The following FIRRM variants were observed in gnomAD, a reference collection of about 807,000 sequenced individuals.
FIRRM encodes the protein FIGNL1-interacting regulator of recombination and mitosis.
At chr1:169,814,832 T>C in the FIRRM span, among the ~76,000 whole-genome samples, 4 of 152,200 alleles carry the variant, frequency 2.6e-5, no homozygotes, top group South Asian at 6.2e-4. Flanking sequence ...TCAAAAGTTA[T>C]CCTCGGATTT....
At chr1:169,807,087 TTAAGAA>T in the FIRRM span, among the ~76,000 whole-genome samples, 1 of 152,320 alleles carries the variant, frequency 6.6e-6, no homozygotes, top group South Asian at 2.1e-4. Context: ...TCCCATTTGA[TTAAGAA>T]TAACAACCTA....
the FIRRM span, among the ~76,000 whole-genome samples, chr1:169,809,736 T>C: frequency 1.3e-5 from 2 of 152,322 alleles, no homozygotes; most frequent in Middle Eastern, 3.4e-3. Context: ...TTACTGTCCA[T>C]TGCCTGAAAT....
chr1:169,817,783 C>CTAT, the FIRRM span, among the ~76,000 whole-genome samples: 8 of 152,138 alleles, frequency 5.3e-5, no homozygotes, highest in East Asian at 1.5e-3. Context: ...TAATTTTAAT[C>CTAT]AATATAACCA....
the FIRRM span, chr1:169,795,015 C>T: frequency 9.6e-7 from 1 of 1,036,868 alleles, no homozygotes; most frequent in Non-Finnish European, 1.4e-6. Flanking sequence ...TTGGAGCCGG[C>T]GGAGAGCGCG....
the FIRRM span, chr1:169,802,803 C>A: frequency 2.6e-6 from 2 of 784,074 alleles, no homozygotes; most frequent in Non-Finnish European, 4.3e-6. Flanking sequence ...TACTGATTAG[C>A]TATGTATTCT....
At chr1:169,816,105 G>A in the FIRRM span, among the ~76,000 whole-genome samples, 4 of 152,144 alleles carry the variant, frequency 2.6e-5, no homozygotes, top group Admixed American at 2.6e-4. Context: ...GAATTATCTT[G>A]TATTCCTACA....
At chr1:169,788,570 A>T in the FIRRM span, among the ~76,000 whole-genome samples, 1 of 152,202 alleles carries the variant, frequency 6.6e-6, no homozygotes. Flanking sequence ...CAAAAGGTGT[A>T]TGTGGACTTT....
chr1:169,824,272 C>A, the FIRRM span, among the ~76,000 whole-genome samples: 5 of 152,280 alleles, frequency 3.3e-5, no homozygotes, highest in South Asian at 1.0e-3. Flanking sequence ...AACTGTGCCC[C>A]TAAGACTAGC....
chr1:169,845,591 G>A, the FIRRM span, among the ~76,000 whole-genome samples: 2,675 of 152,250 alleles, frequency 0.018, 79 homozygotes, highest in African/African-American at 0.06. Flanking sequence ...TAAATTCTTT[G>A]TTTTCATTTC....
At chr1:169,834,748 G>A in the FIRRM span, among the ~76,000 whole-genome samples, 3 of 151,916 alleles carry the variant, frequency 2.0e-5, no homozygotes, top group South Asian at 2.1e-4. Context: ...AAGTCCAGCC[G>A]GACAACATAG....
the FIRRM span, chr1:169,853,056 T>TAACA: frequency 2.6e-5 from 38 of 1,484,898 alleles, no homozygotes; most frequent in African/African-American, 1.5e-4. Flanking sequence ...GTACATTTTC[T>TAACA]AACAGATATA....
At chr1:169,847,512 A>G in the FIRRM span, among the ~76,000 whole-genome samples, 23 of 152,084 alleles carry the variant, frequency 1.5e-4, no homozygotes, top group Non-Finnish European at 2.6e-4. Flanking sequence ...TAACTTGTTC[A>G]TAGGATTGTC....
the FIRRM span, chr1:169,792,941 C>T: frequency 4.3e-6 from 7 of 1,614,024 alleles, no homozygotes; most frequent in East Asian, 1.6e-4. Flanking sequence ...TGGTTTCCTG[C>T]ATCTTTTCAC....
chr1:169,784,235 G>A, the FIRRM span, among the ~76,000 whole-genome samples: 1 of 152,076 alleles, frequency 6.6e-6, no homozygotes, highest in Non-Finnish European at 1.5e-5. Flanking sequence ...TCAAATGTAG[G>A]GTGCAGCAAG....
chr1:169,853,406 T>C, the FIRRM span: 7 of 369,682 alleles, frequency 1.9e-5, no homozygotes, highest in East Asian at 3.4e-4. Context: ...ACTTCCAGAA[T>C]TGTCCTGGAA....
At chr1:169,800,927 C>A in the FIRRM span, 1 of 1,597,848 alleles carries the variant, frequency 6.3e-7, no homozygotes, top group Non-Finnish European at 8.6e-7. Flanking sequence ...TCATATGAAC[C>A]ACCTGACATT....
chr1:169,827,722 G>T, the FIRRM span: 2 of 1,614,010 alleles, frequency 1.2e-6, no homozygotes, highest in Non-Finnish European at 1.7e-6. Context: ...CCTGCCATGT[G>T]AACTGCAGTT....
the FIRRM span, among the ~76,000 whole-genome samples, chr1:169,828,854 G>C: frequency 1.3e-5 from 2 of 152,152 alleles, no homozygotes; most frequent in South Asian, 4.2e-4. Flanking sequence ...CCCATAACTT[G>C]ACTATTTTTA....
At chr1:169,830,793 C>A in the FIRRM span, 2 of 1,481,740 alleles carry the variant, frequency 1.3e-6, no homozygotes. Context: ...CTATGCACTT[C>A]CTTTGGGGAT....
Sources: gnomAD v4.1 joint callset for allele counts (sites outside exome capture counted in the v4.1 genomes callset) on GRCh38, gnomAD v4.1.1 for gene constraint, MANE v1.5 for transcripts, NCBI Gene and HGNC (gene_info 2026-07-23, HGNC 2026-07-21) for gene names.